The following TBCK variants were observed in gnomAD, a reference collection of about 807,000 sequenced individuals.
TBCK encodes TBC1 domain containing kinase.
A neutral mutation model predicts 113.4 loss-of-function variants in TBCK; 99 were observed. The ratio of observed to expected loss-of-function variants is 0.87; its 90% confidence interval spans 0.74 to 1.03. TBCK has a LOEUF of 1.03. Ranked by LOEUF, TBCK falls within the 50% of genes least tolerant of loss-of-function variation. The pLI, the probability that TBCK is intolerant of heterozygous loss-of-function variation, is 0.00. For synonymous variants in TBCK, 369 were observed against 370.8 expected, an observed-to-expected ratio of 1.00 and a Z score of 0.05; for missense variants, 1,045 against 1,061.3, an observed-to-expected ratio of 0.98 and a Z score of 0.21.
intron 22 of TBCK, among the ~76,000 whole-genome samples, chr4:106,183,973 A>G: frequency 6.6e-6 from 1 of 151,994 alleles, no homozygotes; most frequent in East Asian, 1.9e-4. Context: ...GGTATTGAGG[A>G]AAAAAAGAGC....
At chr4:106,133,365 G>T (rs1746184548) in intron 23 of TBCK, among the ~76,000 whole-genome samples, 1 of 152,210 alleles carries the variant, frequency 6.6e-6, no homozygotes, top group South Asian at 2.1e-4. Flanking sequence ...ATGACTGTGA[G>T]GCCTTCCCAG....
At chr4:106,049,255 G>A (rs1734543674) in intron 25 of TBCK, among the ~76,000 whole-genome samples, 1 of 152,068 alleles carries the variant, frequency 6.6e-6, no homozygotes, top group African/African-American at 2.4e-5. Context: ...GTTCAGTGGG[G>A]GAGATAGTAT....
At chr4:106,291,195 A>G (rs1425393528) in intron 3 of TBCK, among the ~76,000 whole-genome samples, 3 of 152,098 alleles carry the variant, frequency 2.0e-5, no homozygotes, top group Admixed American at 1.3e-4. Flanking sequence ...TGGCCTGCCT[A>G]TTATTTTATT....
At chr4:106,294,254 A>G (rs1452128112) in intron 3 of TBCK, among the ~76,000 whole-genome samples, 1 of 151,428 alleles carries the variant, frequency 6.6e-6, no homozygotes, top group Non-Finnish European at 1.5e-5. Flanking sequence ...GCAGTGGCGC[A>G]TCGCGGCTCA....
At chr4:106,186,108 C>G (rs1484763594) in intron 22 of TBCK, among the ~76,000 whole-genome samples, 1 of 152,102 alleles carries the variant, frequency 6.6e-6, no homozygotes, top group Admixed American at 6.6e-5. Flanking sequence ...ATATGTATCA[C>G]AATTTTCTTT....
At chr4:106,303,181 T>C (rs1579572814) in intron 2 of TBCK, among the ~76,000 whole-genome samples, 1 of 152,152 alleles carries the variant, frequency 6.6e-6, no homozygotes, top group East Asian at 1.9e-4. Flanking sequence ...GTCTCCTAAT[T>C]GGTAAATATA....
At chr4:106,073,986 C>G (rs11732251) in intron 25 of TBCK, among the ~76,000 whole-genome samples, 60,695 of 152,082 alleles carry the variant, frequency 0.4, 12,419 homozygotes, top group African/African-American at 0.47. Flanking sequence ...CAGTATTAAG[C>G]TGGAATGTCC....
chr4:106,092,752 C>G (rs183074457), intron 25 of TBCK, among the ~76,000 whole-genome samples: 3 of 152,234 alleles, frequency 2.0e-5, no homozygotes, highest in African/African-American at 7.2e-5. Flanking sequence ...TGCGCAGTCC[C>G]GGTTCCCGCC....
At chr4:106,224,315 C>CA (rs1553965792) in intron 19 of TBCK, among the ~76,000 whole-genome samples, 6 of 150,084 alleles carry the variant, frequency 4.0e-5, no homozygotes, top group Admixed American at 1.3e-4. Context: ...GTAATAATAA[C>CA]TTTTTTTTTT....
In TBCK at chr4:106,308,911, G is replaced by A. The variant is rs777161111; in HGVS notation, c.50C>T (p.Ser17Leu). The A allele has an allele frequency of 1.3e-5, 21 of 1,613,998 alleles. No individual in the cohort carries two copies. Among genetic ancestry groups the A allele is most frequent in the South Asian group, 3.3e-5 (3 of 91,082 alleles). ...TCCACAAACATCATGTGGCAGAGCC[G>A]AGGCAAAGAAGGTAAAGGCTCCCAT... The part of the protein sequence containing the change: ...AEMGAFTFFA[S>L]ALPHDVCGSN... Residue 17 changes from serine (S) to leucine (L), a missense_variant, in exon 2 of 26, where the codon TCG becomes TTG. Coordinates refer to ENST00000394708, the MANE Select transcript of TBCK (RefSeq NM_001163435.3).
At chr4:106,065,829 C>T (rs1236112479) in intron 25 of TBCK, among the ~76,000 whole-genome samples, 3 of 151,982 alleles carry the variant, frequency 2.0e-5, no homozygotes, top group Non-Finnish European at 4.4e-5. Context: ...AAATTCTGGC[C>T]TAGAGAAGCC....
intron 19 of TBCK, among the ~76,000 whole-genome samples, chr4:106,220,902 A>G (rs1757602325): frequency 6.6e-6 from 1 of 152,198 alleles, no homozygotes; most frequent in Non-Finnish European, 1.5e-5. Context: ...TGTGACATCA[A>G]CAATTACAAG....
intron 22 of TBCK, among the ~76,000 whole-genome samples, chr4:106,192,520 AT>A (rs1208360287): frequency 6.6e-6 from 1 of 152,166 alleles, no homozygotes; most frequent in African/African-American, 2.4e-5. Flanking sequence ...ATAGTAAGAA[AT>A]AACTCACTTT....
intron 2 of TBCK, among the ~76,000 whole-genome samples, chr4:106,301,873 AG>A (rs1434290522): frequency 4.6e-5 from 7 of 152,348 alleles, no homozygotes; most frequent in African/African-American, 1.7e-4. Context: ...CACAAATCAA[AG>A]TCATGTGGTA....
At chr4:106,120,740 C>T (rs1382290139) in intron 23 of TBCK, among the ~76,000 whole-genome samples, 2 of 152,280 alleles carry the variant, frequency 1.3e-5, no homozygotes, top group East Asian at 1.9e-4. Context: ...TTCTAACAGA[C>T]CTGTAGCTGA....
rs1056768414 is a variant in TBCK, at chr4:106,286,388, C to T, written c.266+8706G>A. The stretch of plus-strand genomic sequence containing the variant: ...AAGAAACCACTGATGTTCATTGCCA[C>T]AAGATTTGTCGTCTTTCAAACAAAG... On this transcript the variant is annotated intron_variant, in intron 3 of 25. Coordinates refer to ENST00000394708, the MANE Select transcript of TBCK (RefSeq NM_001163435.3). 5.3e-5 allele frequency among the ~76,000 whole-genome samples: 8 copies of T among 152,266 alleles called. No individual in the cohort carries two copies. The South Asian group carries it at 8.3e-4, about 16-fold the overall frequency.
chr4:106,235,223 T>C, intron 15 of TBCK, 46 bp downstream of exon 15: 1 of 1,325,222 alleles, frequency 7.5e-7, no homozygotes, highest in Non-Finnish European at 1.0e-6. Flanking sequence ...TCTCCATCCT[T>C]TCTTTGCATA....
At chr4:106,070,695 T>C (rs993357244) in intron 25 of TBCK, among the ~76,000 whole-genome samples, 2 of 152,166 alleles carry the variant, frequency 1.3e-5, no homozygotes, top group Non-Finnish European at 2.9e-5. Flanking sequence ...TTTCTATTGA[T>C]TGGAATAGTT....
chr4:106,110,591 G>A (rs891992612), intron 24 of TBCK, among the ~76,000 whole-genome samples: 3 of 152,172 alleles, frequency 2.0e-5, no homozygotes, highest in Admixed American at 6.5e-5. Flanking sequence ...ATAACCCATG[G>A]TTTCTGAAAG....
Sources: gnomAD v4.1 joint callset for allele counts (sites outside exome capture counted in the v4.1 genomes callset) on GRCh38, gnomAD v4.1.1 for gene constraint, MANE v1.5 for transcripts, NCBI Gene and HGNC (gene_info 2026-07-23, HGNC 2026-07-21) for gene names.